Variants in ZFHX3 observed in about 807,000 individuals in gnomAD.
ZFHX3 encodes zinc finger homeobox protein 3.
A neutral mutation model predicts 279.1 loss-of-function variants in ZFHX3; 42 were observed. The observed-to-expected ratio is 0.15, with a 90% CI of 0.12 to 0.19. ZFHX3 has a LOEUF of 0.19. Ranked by LOEUF, ZFHX3 falls within the 10% of genes least tolerant of loss-of-function variation. The pLI, the probability that ZFHX3 is intolerant of heterozygous loss-of-function variation, is 1.00. For missense variants in ZFHX3, 4,981 were observed against 4,754.0 expected, an observed-to-expected ratio of 1.05 and a Z score of -1.40; for synonymous variants, 2,293 against 1,957.8, an observed-to-expected ratio of 1.17 and a Z score of -4.52.
At chr16:73,160,583 A>G (rs1967206128) in intron 5 of ZFHX3, among the ~76,000 whole-genome samples, 10 of 151,860 alleles carry the variant, frequency 6.6e-5, no homozygotes, top group Admixed American at 6.6e-4. Context: ...AGAGGGTTTA[A>G]CCCTCCTTCC....
At chr16:72,918,358 A>AT (rs1473537771) in intron 3 of ZFHX3, among the ~76,000 whole-genome samples, 1 of 152,252 alleles carries the variant, frequency 6.6e-6, no homozygotes, top group Admixed American at 6.5e-5. Context: ...ACAATTAGCT[A>AT]AACTGCTTAT....
intron 3 of ZFHX3, among the ~76,000 whole-genome samples, chr16:72,909,378 T>C (rs1255174183): frequency 6.6e-6 from 1 of 152,212 alleles, no homozygotes; most frequent in East Asian, 1.9e-4. Context: ...ACTTTATTTA[T>C]GGAGACAAAT....
chr16:73,442,944 G>T (rs1178243402), intron 3 of ZFHX3, among the ~76,000 whole-genome samples: 3 of 152,126 alleles, frequency 2.0e-5, no homozygotes, highest in South Asian at 2.1e-4. Context: ...TAGAGACGGG[G>T]TCTCACCATG....
chr16:73,433,133 T>C (rs1456946989), intron 3 of ZFHX3, among the ~76,000 whole-genome samples: 2 of 152,166 alleles, frequency 1.3e-5, no homozygotes, highest in African/African-American at 4.8e-5. Context: ...CTCAAGGTCC[T>C]CCGTGGAGTA....
At chr16:73,240,922 A>G (rs1224711799) in intron 5 of ZFHX3, among the ~76,000 whole-genome samples, 5 of 152,380 alleles carry the variant, frequency 3.3e-5, no homozygotes, top group Admixed American at 6.5e-5. Context: ...TAAATTGTAC[A>G]AAACATCTAC....
intron 7 of ZFHX3, among the ~76,000 whole-genome samples, chr16:72,802,578 T>C (rs966090785): frequency 7.9e-5 from 12 of 152,118 alleles, no homozygotes; most frequent in African/African-American, 2.9e-4. Context: ...GGTTGGTATA[T>C]GAAATTTTGA....
intron 4 of ZFHX3, among the ~76,000 whole-genome samples, chr16:73,257,552 C>A (rs758998829): frequency 6.6e-6 from 1 of 152,166 alleles, no homozygotes; most frequent in Non-Finnish European, 1.5e-5. Flanking sequence ...AGAAGGCAAG[C>A]CAAGAAGAGT....
intron 3 of ZFHX3, among the ~76,000 whole-genome samples, chr16:73,399,852 G>T (rs1279758128): frequency 6.6e-6 from 1 of 151,262 alleles, no homozygotes; most frequent in East Asian, 1.9e-4. Flanking sequence ...GTGTGTGTGT[G>T]TGTGTGTGTG....
intron 4 of ZFHX3, among the ~76,000 whole-genome samples, chr16:73,303,146 G>C (rs888947211): frequency 6.6e-6 from 1 of 151,610 alleles, no homozygotes; most frequent in Non-Finnish European, 1.5e-5. Context: ...CTCCCACCTC[G>C]GCCTCCCTAG....
At chr16:73,118,503 T>G (rs1161502049) in intron 7 of ZFHX3, among the ~76,000 whole-genome samples, 1 of 118,134 alleles carries the variant, frequency 8.5e-6, no homozygotes, top group Admixed American at 1.0e-4. Context: ...CCACCATGCC[T>G]GGCCTATTTT....
chr16:73,879,598 A>G (rs941105459), intron 1 of ZFHX3, among the ~76,000 whole-genome samples: 1 of 152,146 alleles, frequency 6.6e-6, no homozygotes, highest in Non-Finnish European at 1.5e-5. Context: ...AGAAGCAAGA[A>G]GGGACTATCA....
chr16:73,568,107 TTC>T (rs2020475331), intron 2 of ZFHX3, among the ~76,000 whole-genome samples: 1 of 152,204 alleles, frequency 6.6e-6, no homozygotes, highest in Non-Finnish European at 1.5e-5. Flanking sequence ...TCAGTTTGGT[TTC>T]TTTCAGAGGC....
At chr16:73,551,017 G>A (rs982688995) in intron 2 of ZFHX3, among the ~76,000 whole-genome samples, 1 of 152,138 alleles carries the variant, frequency 6.6e-6, no homozygotes, top group Non-Finnish European at 1.5e-5. Context: ...AACATTCAAA[G>A]GGTGAATTAA....
intron 2 of ZFHX3, chr16:73,558,121 T>G (rs2020314747): frequency 6.6e-6 from 1 of 152,176 alleles, no homozygotes; most frequent in Non-Finnish European, 1.5e-5. Flanking sequence ...AAAGCACCAG[T>G]AGGGAGAATG....
At chr16:72,884,779 C>T (rs1357114933) in intron 4 of ZFHX3, among the ~76,000 whole-genome samples, 2 of 152,198 alleles carry the variant, frequency 1.3e-5, no homozygotes, top group Non-Finnish European at 2.9e-5. Flanking sequence ...GCTGATCCTA[C>T]ACATGACCCA....
chr16:72,787,713 GCCGCCA>G lies in ZFHX3; in HGVS notation c.10557_10562del (p.Gly3526_Gly3527del), dbSNP rs761344900. ...GGTACGAGCCGCCGCCGCCGCCGCC[GCCGCCA>G]CCGCCGCCGCCGCCGCCACTGCCAC... is the stretch of plus-strand genomic sequence containing the variant. On this transcript the variant is annotated inframe_deletion, in exon 10 of 10. Transcript: ENST00000268489. 4,630 of 1,384,914 alleles carry G rather than the reference GCCGCCA, an allele frequency of 3.3e-3. 40 individuals are homozygous for G. The highest frequency in any genetic ancestry group is 5.5e-3 in the South Asian group (261 of 47,462). 85.8% of individuals were successfully genotyped at this position (1,384,914 alleles called of 1,614,324 possible). A position where few individuals can be genotyped will look rare whatever the true frequency, so the allele number is the denominator to read the frequency against.
intron 1 of ZFHX3, among the ~76,000 whole-genome samples, chr16:73,821,802 G>A (rs1960749245): frequency 6.6e-6 from 1 of 152,212 alleles, no homozygotes; most frequent in African/African-American, 2.4e-5. Context: ...AGGGTGCTGG[G>A]CTCAGTGGGA....
At chr16:73,541,822 A>G (rs1457827490) in intron 2 of ZFHX3, among the ~76,000 whole-genome samples, 3 of 104,744 alleles carry the variant, frequency 2.9e-5, no homozygotes, top group African/African-American at 7.6e-5. Flanking sequence ...TTTTTCCCTG[A>G]GATGGAGTCT....
At chr16:73,523,645 A>G (rs1212102376) in intron 2 of ZFHX3, among the ~76,000 whole-genome samples, 1 of 146,392 alleles carries the variant, frequency 6.8e-6, no homozygotes, top group Non-Finnish European at 1.5e-5. Flanking sequence ...TTTCATATGT[A>G]TATTCTGAAG....
Sources: gnomAD v4.1 joint callset for allele counts (sites outside exome capture counted in the v4.1 genomes callset) on GRCh38, gnomAD v4.1.1 for gene constraint, MANE v1.5 for transcripts, NCBI Gene and HGNC (gene_info 2026-07-23, HGNC 2026-07-21) for gene names.